ICA1: variants seen among roughly 807,000 people sequenced by gnomAD.
The protein encoded by ICA1 is 69 kDa islet cell autoantigen.
ICA1 carries 40 observed loss-of-function variants against 71.0 expected under a neutral mutation model. The ratio of observed to expected loss-of-function variants is 0.56; its 90% CI spans 0.44 to 0.73. ICA1 has a LOEUF of 0.73. Ranked by LOEUF, ICA1 falls within the 30% of genes least tolerant of loss-of-function variation. ICA1 has a pLI of 0.00. For missense variants in ICA1, 578 were observed against 576.5 expected, an observed-to-expected ratio of 1.00 and a Z score of -0.03; for synonymous variants, 207 against 209.5, an observed-to-expected ratio of 0.99 and a Z score of 0.10.
At chr7:8,199,854 C>T (rs557677178) in intron 6 of ICA1, among the ~76,000 whole-genome samples, 26 of 152,196 alleles carry the variant, frequency 1.7e-4, no homozygotes, top group African/African-American at 5.3e-4. Flanking sequence ...GGAACCTAAA[C>T]ATCAAAACAA....
chr7:8,183,910 A>G (rs1218044864), intron 6 of ICA1, among the ~76,000 whole-genome samples: 1 of 152,188 alleles, frequency 6.6e-6, no homozygotes, highest in African/African-American at 2.4e-5. Context: ...TTGGGCACAA[A>G]CAATATATAA....
At chr7:8,215,165 T>C (rs1462757342) in intron 6 of ICA1, among the ~76,000 whole-genome samples, 1 of 152,130 alleles carries the variant, frequency 6.6e-6, no homozygotes, top group East Asian at 1.9e-4. Context: ...TCCGTCCCCT[T>C]AGAGCGGTGT....
chr7:8,136,509 G>T (rs1793474931), intron 12 of ICA1, among the ~76,000 whole-genome samples: 1 of 152,186 alleles, frequency 6.6e-6, no homozygotes, highest in Non-Finnish European at 1.5e-5. Flanking sequence ...TGCACTGAGA[G>T]AATATTTTTA....
At chr7:8,154,406 T>C (rs527596117) in intron 8 of ICA1, among the ~76,000 whole-genome samples, 2 of 152,266 alleles carry the variant, frequency 1.3e-5, no homozygotes, top group Non-Finnish European at 2.9e-5. Flanking sequence ...TCATCCTTCA[T>C]CAAGCATAAA....
At chr7:8,208,805 G>A (rs1165618964) in intron 6 of ICA1, among the ~76,000 whole-genome samples, 1 of 152,176 alleles carries the variant, frequency 6.6e-6, no homozygotes, top group Non-Finnish European at 1.5e-5. Flanking sequence ...GGGGTAGGGG[G>A]AGTTGTCACA....
At chr7:8,172,691 T>A (rs1236944150) in intron 6 of ICA1, among the ~76,000 whole-genome samples, 1 of 152,202 alleles carries the variant, frequency 6.6e-6, no homozygotes, top group African/African-American at 2.4e-5. Context: ...CATCTAGAAG[T>A]GATCAGTTCT....
intron 1 of ICA1, among the ~76,000 whole-genome samples, chr7:8,245,690 A>C (rs1247428355): frequency 6.6e-6 from 1 of 152,200 alleles, no homozygotes; most frequent in Non-Finnish European, 1.5e-5. Context: ...TCAACATATA[A>C]CCAATATAAA....
chr7:8,206,855 G>A (rs565945541), intron 6 of ICA1, among the ~76,000 whole-genome samples: 11 of 151,864 alleles, frequency 7.2e-5, no homozygotes, highest in South Asian at 2.1e-4. Context: ...GCATTAATCT[G>A]TAGACTATTT....
intron 6 of ICA1, among the ~76,000 whole-genome samples, chr7:8,159,901 A>G (rs1803117086): frequency 6.6e-6 from 1 of 152,186 alleles, no homozygotes; most frequent in South Asian, 2.1e-4. Context: ...CAGTGTGATG[A>G]GTTCAAATAT....
chr7:8,209,686 A>G (rs1043406557), intron 6 of ICA1, among the ~76,000 whole-genome samples: 11 of 152,340 alleles, frequency 7.2e-5, no homozygotes, highest in Non-Finnish European at 1.3e-4. Context: ...GCATGTATAA[A>G]GTGCAACAGG....
At chr7:8,174,250 A>G (rs1056666910) in intron 6 of ICA1, among the ~76,000 whole-genome samples, 1 of 152,196 alleles carries the variant, frequency 6.6e-6, no homozygotes, top group Non-Finnish European at 1.5e-5. Flanking sequence ...TAAGTTCATC[A>G]ACAAATAGAG....
At chr7:8,138,766 C>A (rs1794216846) in intron 12 of ICA1, 74 bp downstream of exon 12, 1 of 1,208,228 alleles carries the variant, frequency 8.3e-7, no homozygotes, top group Non-Finnish European at 1.2e-6. Context: ...ATTAAGATTA[C>A]ACTTTCTTAC....
At chr7:8,244,334 C>T (rs562869246) in intron 1 of ICA1, among the ~76,000 whole-genome samples, 21 of 152,266 alleles carry the variant, frequency 1.4e-4, no homozygotes, top group African/African-American at 5.1e-4. Context: ...ATAAATGGTG[C>T]TGGGAAAACT....
At chr7:8,182,345 G>A (rs915348531) in intron 6 of ICA1, among the ~76,000 whole-genome samples, 22 of 152,122 alleles carry the variant, frequency 1.4e-4, no homozygotes, top group African/African-American at 5.3e-4. Flanking sequence ...TTGAATTCTA[G>A]GAAGGCAGAA....
chr7:8,203,507 G>A (rs946775304), intron 6 of ICA1, among the ~76,000 whole-genome samples: 5 of 152,212 alleles, frequency 3.3e-5, no homozygotes, highest in African/African-American at 1.2e-4. Flanking sequence ...TGTGATCTAT[G>A]GATCCCAGAA....
chr7:8,141,701 T>C (rs961753355), intron 10 of ICA1, 64 bp downstream of exon 10: 30 of 1,033,696 alleles, frequency 2.9e-5, no homozygotes, highest in Middle Eastern at 2.5e-4. Context: ...AAAAGTAAAA[T>C]GACTTGGCTG....
intron 6 of ICA1, among the ~76,000 whole-genome samples, chr7:8,160,653 T>C (rs1440513406): frequency 6.6e-6 from 1 of 152,248 alleles, no homozygotes; most frequent in African/African-American, 2.4e-5. Context: ...AATAGAATCT[T>C]GTGTCTATAG....
intron 9 of ICA1, among the ~76,000 whole-genome samples, chr7:8,142,535 G>A (rs1488889350): frequency 6.6e-6 from 1 of 152,188 alleles, no homozygotes; most frequent in Non-Finnish European, 1.5e-5. Flanking sequence ...AAGTAAAGGT[G>A]AATGCTTTAT....
intron 12 of ICA1, among the ~76,000 whole-genome samples, chr7:8,134,699 A>T (rs776349481): frequency 1.3e-5 from 2 of 152,164 alleles, no homozygotes; most frequent in Non-Finnish European, 2.9e-5. Flanking sequence ...TAACAAGAAA[A>T]ACATATTCTA....
Sources: allele counts gnomAD v4.1 joint callset (sites outside exome capture counted in the v4.1 genomes callset), GRCh38; gene constraint gnomAD v4.1.1; transcripts MANE v1.5; gene names NCBI Gene and HGNC (gene_info 2026-07-23, HGNC 2026-07-21).